Variants in IL17RC observed in about 807,000 individuals in gnomAD.
The protein encoded by IL17RC is interleukin 17 receptor C.
In IL17RC, 53 loss-of-function variants were observed where a neutral mutation model predicts 86.7. That is an observed-to-expected ratio of 0.61 (90% confidence interval 0.49 to 0.77). The LOEUF is 0.77. IL17RC is among the 30% of genes least tolerant of loss of function. IL17RC has a pLI of 0.00. For synonymous variants in IL17RC, 439 were observed against 413.1 expected (o/e 1.06, Z -0.76); for missense variants, 957 against 940.0 (o/e 1.02, Z -0.24).
chr3:9,933,278 G>C lies in IL17RC; in HGVS notation c.1848G>C (p.Val616=), dbSNP rs774054982. 1 of 1,604,806 alleles carries C rather than the reference G, an allele frequency of 6.2e-7. No homozygotes were observed. The highest frequency in any genetic ancestry group is 1.1e-5 in the South Asian group (1 of 90,016). Residue 616 remains valine, a synonymous_variant, in exon 19 of 19, where the codon GTG becomes GTC. Coordinates refer to ENST00000403601, the MANE Select transcript of IL17RC (RefSeq NM_153460.4). ...CCTTCCGCGCCTCGCTCAGCTGCGT[G>C]CTGCCCGACTTCTTGCAGGGCCGGG... ...HDAFRASLSC[V]LPDFLQGRAP... is the part of the protein sequence containing the mutation.
Position 9,918,355 on chromosome 3 carries a change from G to A in IL17RC, c.301G>A (p.Asp101Asn). The A allele has an allele frequency of 6.2e-7, 1 of 1,600,150 alleles. No individual in the cohort carries two copies. The highest frequency in any genetic ancestry group is 8.5e-7 in the Non-Finnish European group (1 of 1,173,350). Residue 101 changes from aspartate to asparagine, a missense_variant, in exon 4 of 19, where the codon GAT (aspartate) becomes AAT (asparagine). Coordinates refer to ENST00000403601, the MANE Select transcript of IL17RC (RefSeq NM_153460.4). Reference sequence around the variant, plus strand: ...TCTAGGGCACTGGGAAGAGCCTGAAGATGAGGAAAAGTTTGGAGGAGCAGC... The same window carrying A: ...TCTAGGGCACTGGGAAGAGCCTGAAAATGAGGAAAAGTTTGGAGGAGCAGC... ...AVHGHWEEPEDEEKFGGAADS... is the reference protein window; with the variant it reads ...AVHGHWEEPENEEKFGGAADS...
At chr3:9,928,119 C>T (rs981146424) in intron 9 of IL17RC, 47 bp from the exon 10 acceptor site, 39 of 1,583,586 alleles carry the variant, frequency 2.5e-5, no homozygotes, top group Non-Finnish European at 3.2e-5. Flanking sequence ...GAGGGCCAGG[C>T]ACATGCCCAT....
intron 5 of IL17RC, among the ~76,000 whole-genome samples, chr3:9,918,891 C>T (rs2083320861): frequency 6.6e-6 from 1 of 152,192 alleles, no homozygotes; most frequent in East Asian, 1.9e-4. Flanking sequence ...AGTTCTACTT[C>T]ATATGCTTGA....
At position 9,932,801 on chromosome 3, in the gene IL17RC, C is replaced by A; in HGVS notation, c.1484-19C>A. 1 of 1,574,358 alleles carries A rather than the reference C, an allele frequency of 6.4e-7. No homozygotes were observed. Among genetic ancestry groups the A allele is most frequent in the Non-Finnish European group, 8.6e-7 (1 of 1,161,000 alleles). The stretch of plus-strand genomic sequence containing the variant: ...GGCGGCCGAGCTCACTGGCTGCCTC[C>A]GCCCCTCTCCCCTAACAGGGTGGCT... On this transcript the variant is annotated intron_variant, in intron 17 of 18. Coordinates refer to ENST00000403601, the MANE Select transcript of IL17RC (RefSeq NM_153460.4).
intron 2 of IL17RC, 83 bp from the exon 3 acceptor site, chr3:9,917,840 T>C (rs1429643923): frequency 6.2e-7 from 1 of 1,606,986 alleles, no homozygotes; most frequent in Non-Finnish European, 8.5e-7. Flanking sequence ...ACAGCCAAGT[T>C]CTTTGGCTCT....
Position 9,932,610 on chromosome 3 carries a change from A to G in IL17RC, c.1390A>G (p.Ile464Val). The G allele has an allele frequency of 6.2e-7, 1 of 1,613,950 alleles. No individual in the cohort carries two copies. Among genetic ancestry groups the G allele is most frequent in the Non-Finnish European group, 8.5e-7 (1 of 1,179,792 alleles). The change falls in exon 17 of 19, where the codon ATC (isoleucine) becomes GTC (valine). Residue 464 changes from isoleucine (I) to valine (V), a missense_variant and splice_region_variant. Ile to Val is a conservative substitution (Grantham distance 29). Coordinates refer to ENST00000403601, the MANE Select transcript of IL17RC (RefSeq NM_153460.4). Reference protein sequence around the residue: ...ALWACPMDKYIHKRWALVWLA... With the variant: ...ALWACPMDKYVHKRWALVWLA... ...CTCTTCTTCTCTGGGTCTCCCAGAC[A>G]TCCACAAGCGCTGGGCCCTCGTGTG... is the stretch of plus-strand genomic sequence containing the variant.
chr3:9,926,310 G>A (rs1017193075), intron 9 of IL17RC, among the ~76,000 whole-genome samples: 5 of 152,142 alleles, frequency 3.3e-5, no homozygotes, highest in African/African-American at 1.2e-4. Context: ...GGGATTACAG[G>A]CGTGAGCCAC....
Position 9,930,901 on chromosome 3 carries a change from G to C in IL17RC, c.1345G>C (p.Asp449His). The C allele has an allele frequency of 6.2e-7, 1 of 1,614,106 alleles. No individual in the cohort carries two copies. Among genetic ancestry groups the C allele is most frequent in the Non-Finnish European group, 8.5e-7 (1 of 1,179,944 alleles). The change falls in exon 16 of 19, where the codon GAC becomes CAC. Residue 449 changes from aspartate to histidine, a missense_variant. By Grantham distance (81) the Asp-to-His change is moderately conservative. Transcript: ENST00000403601. The surrounding 1 kb of genome is among the most constrained non-coding windows in gnomAD (Gnocchi z 5.8). Reference sequence around the variant, plus strand: ...TTCTGTTTGTATCTTACAGCTATGGGACGATGACTTGGGAGCGCTATGGGC... The same window carrying C: ...TTCTGTTTGTATCTTACAGCTATGGCACGATGACTTGGGAGCGCTATGGGC... ...LQSGQCLQLWDDDLGALWACP... is the reference protein window; with the variant it reads ...LQSGQCLQLWHDDLGALWACP...
At position 9,928,542 on chromosome 3, in the gene IL17RC, C is replaced by T. The variant is rs775449939; in HGVS notation, c.1060-38C>T. 5.0e-6 allele frequency: 8 copies of T among 1,613,604 alleles called. No homozygotes were observed. The East Asian group carries it at 1.8e-4, about 36-fold the overall frequency. On this transcript the variant is annotated intron_variant, in intron 11 of 18. Transcript: ENST00000403601. ...GAGGGGAGAGTGGGGAACCGGGGGT[C>T]CCCTTTTGTGATCCCACCCATTCCT... is the stretch of plus-strand genomic sequence containing the variant.
intron 7 of IL17RC, among the ~76,000 whole-genome samples, chr3:9,922,863 G>A (rs796504075): frequency 3.9e-4 from 59 of 152,242 alleles, no homozygotes; most frequent in African/African-American, 1.3e-3. Context: ...GTGGGAGTAT[G>A]TCAGGGGTGT....
chr3:9,920,383 T>G, intron 5 of IL17RC, 108 bp from the exon 6 acceptor site: 2 of 683,708 alleles, frequency 2.9e-6, no homozygotes, highest in Non-Finnish European at 2.7e-6. Context: ...CAGTCATTAG[T>G]TGGGGGAGGA....
intron 9 of IL17RC, among the ~76,000 whole-genome samples, chr3:9,925,139 A>G (rs1360151980): frequency 7.2e-6 from 1 of 139,084 alleles, no homozygotes; most frequent in Admixed American, 7.3e-5. Flanking sequence ...TTTTTAAGAC[A>G]GAGTCTTTCT....
Position 9,932,612 on chromosome 3 carries a change from C to A in IL17RC, c.1392C>A (p.Ile464=). ...ALWACPMDKY[I]HKRWALVWLA... ...CTTCTTCTCTGGGTCTCCCAGACAT[C>A]CACAAGCGCTGGGCCCTCGTGTGGC... is the stretch of plus-strand genomic sequence containing the variant. The change falls in exon 17 of 19, where the codon ATC becomes ATA. Residue 464 remains isoleucine, a synonymous_variant. Coordinates refer to ENST00000403601, the MANE Select transcript of IL17RC (RefSeq NM_153460.4). 1 of 1,613,896 alleles carries A rather than the reference C, an allele frequency of 6.2e-7. No homozygotes were observed. Among genetic ancestry groups the A allele is most frequent in the Non-Finnish European group, 8.5e-7 (1 of 1,179,748 alleles).
rs1023188716 is a variant in IL17RC at position 9,917,232 on chromosome 3, G to A, written c.-84G>A. The A allele has an allele frequency of 5.9e-5, 66 of 1,112,316 alleles. No individual in the cohort carries two copies. The highest frequency in any genetic ancestry group is 7.3e-5 in the Non-Finnish European group (57 of 780,450). The allele number at this position is 1,112,316 out of a possible 1,614,324, so 68.9% of individuals were successfully genotyped here. A position where few individuals can be genotyped will look rare whatever the true frequency, so the allele number is the denominator to read the frequency against. On this transcript the variant is annotated 5_prime_UTR_variant, in exon 1 of 19. Coordinates refer to ENST00000403601, the MANE Select transcript of IL17RC (RefSeq NM_153460.4). ...GGGATTCCAGCCCCTGCCACCCACA[G>A]ACACGGGCTGACTGGGGTGTCTGCC...
In IL17RC at chr3:9,932,859, G is replaced by C. The variant is rs148575246; in HGVS notation, c.1522+1G>C. The C allele has an allele frequency of 0.011, 16,909 of 1,573,836 alleles. 118 individuals are homozygous for C. The highest frequency in any genetic ancestry group is 0.013 in the Non-Finnish European group (15,342 of 1,164,318). On this transcript the variant is annotated splice_donor_variant, in intron 18 of 18. Coordinates refer to ENST00000403601, the MANE Select transcript of IL17RC (RefSeq NM_153460.4). LOFTEE classifies it high-confidence loss of function. ...TTGAAACAGGACGTCCGCTCGGGGG[G>C]TGAGTGGGAGCAAGCGCTGGGCGGA...
Position 9,924,259 on chromosome 3 carries a change from C to T in IL17RC, c.790C>T (p.His264Tyr). 1 of 1,614,058 alleles carries T rather than the reference C, an allele frequency of 6.2e-7. No individual in the cohort carries two copies. Among genetic ancestry groups the T allele is most frequent in the Non-Finnish European group, 8.5e-7 (1 of 1,179,988 alleles). Reference sequence around the variant, plus strand: ...TGGACCGCAGATCATTACCTTGAACCACACAGACCTGGTTCCCTGCCTCTG... The same window carrying T: ...TGGACCGCAGATCATTACCTTGAACTACACAGACCTGGTTCCCTGCCTCTG... ...LTGPQIITLNHTDLVPCLCIQ... is the reference protein window; with the variant it reads ...LTGPQIITLNYTDLVPCLCIQ... The change falls in exon 9 of 19, where the codon CAC becomes TAC. Residue 264 changes from histidine (H) to tyrosine (Y), a missense_variant. Physicochemically the swap from His to Tyr is moderately conservative, Grantham distance 83. Transcript: ENST00000403601.
chr3:9,930,196 CA>C lies in IL17RC; in HGVS notation c.1278+48del. 3 of 1,605,962 alleles carry C rather than the reference CA, an allele frequency of 1.9e-6. No homozygotes were observed. The highest frequency in any genetic ancestry group is 2.6e-6 in the Non-Finnish European group (3 of 1,174,284). On this transcript the variant is annotated intron_variant, in intron 14 of 18. Coordinates refer to ENST00000403601, the MANE Select transcript of IL17RC (RefSeq NM_153460.4). The surrounding 1 kb of genome is among the most constrained non-coding windows in gnomAD (Gnocchi z 5.8). ...TCCACAGATCTCTCCAAATGCATCTCACATCTGGCCTCAAATTTTCACTCCA... is the reference window on the plus strand; with the variant it reads ...TCCACAGATCTCTCCAAATGCATCTCCATCTGGCCTCAAATTTTCACTCCA...
At chr3:9,931,462 C>T (rs1187186208) in intron 16 of IL17RC, among the ~76,000 whole-genome samples, 9 of 130,440 alleles carry the variant, frequency 6.9e-5, no homozygotes, top group African/African-American at 3.4e-4. Flanking sequence ...TTCACACACA[C>T]ACACACACAT....
At position 9,932,702 on chromosome 3, in the gene IL17RC, A is replaced by G; in HGVS notation, c.1482A>G (p.Lys494=). ...LILLLKKDHA[K]GWLRLLKQDV... ...TCCTTCTCAAAAAGGATCACGCGAA[A>G]GGTGAGCGCTTCCCGGCTCCCCATT... is the stretch of plus-strand genomic sequence containing the variant. Residue 494 remains lysine, a splice_region_variant and synonymous_variant, in exon 17 of 19, where the codon AAA becomes AAG. Coordinates refer to ENST00000403601, the MANE Select transcript of IL17RC (RefSeq NM_153460.4). 4.3e-6 allele frequency: 7 copies of G among 1,614,130 alleles called. No homozygotes were observed. The highest frequency in any genetic ancestry group is 5.9e-6 in the Non-Finnish European group (7 of 1,179,978).
Sources: gnomAD v4.1 joint callset for allele counts (sites outside exome capture counted in the v4.1 genomes callset) on GRCh38, gnomAD v4.1.1 for gene constraint, Gnocchi (gnomAD v3.1) non-coding constraint, MANE v1.5 for transcripts, NCBI Gene and HGNC (gene_info 2026-07-23, HGNC 2026-07-21) for gene names.